ZNF385D: variants seen among roughly 807,000 people sequenced by gnomAD.
The protein encoded by ZNF385D is zinc finger protein 659.
A neutral mutation model predicts 35.8 loss-of-function variants in ZNF385D; 15 were observed. The observed-to-expected ratio is 0.42, with a 90% confidence interval of 0.28 to 0.64. The LOEUF is 0.64. Ranked by LOEUF, ZNF385D falls within the 30% of genes least tolerant of loss-of-function variation. The pLI is 0.23. For synonymous variants in ZNF385D, 212 were observed against 186.8 expected (o/e 1.13, Z -1.10); for missense variants, 474 against 494.6 (o/e 0.96, Z 0.39).
chr3:21,550,049 C>T (rs2062513436), intron 3 of ZNF385D, among the ~76,000 whole-genome samples: 1 of 152,042 alleles, frequency 6.6e-6, no homozygotes, highest in Admixed American at 6.6e-5. Flanking sequence ...CCACGAGGGA[C>T]CATCAAAATG....
intron 3 of ZNF385D, among the ~76,000 whole-genome samples, chr3:21,970,068 A>G (rs962008391): frequency 2.0e-5 from 3 of 152,192 alleles, no homozygotes; most frequent in Non-Finnish European, 4.4e-5. Context: ...ACCCAAGACC[A>G]TCTGAATACT....
chr3:22,256,871 A>G lies in ZNF385D; in HGVS notation c.107-87836T>C, dbSNP rs2125337162. ...TCTCAGTGGAGAAGGATTTAACACAAGTAAATGTATGATGTCACATTTTGT... is the reference window on the plus strand; with the variant it reads ...TCTCAGTGGAGAAGGATTTAACACAGGTAAATGTATGATGTCACATTTTGT... On this transcript the variant is annotated intron_variant, in intron 2 of 5. Transcript: ENST00000494108. Among the ~76,000 whole-genome samples, 4 of 152,038 alleles carry G rather than the reference A, an allele frequency of 2.6e-5. 1 individual carries two copies. In the South Asian group the frequency reaches 8.3e-4, roughly 31 times the overall value.
At chr3:21,752,088 C>T (rs1405963698), upstream of ZNF385D, among the ~76,000 whole-genome samples, 2 of 134,638 alleles carry the variant, frequency 1.5e-5, no homozygotes, top group South Asian at 2.3e-4. Flanking sequence ...CAAAGCTTAG[C>T]AAAGCCTCTG....
chr3:21,527,183 G>A (rs1056425233), intron 3 of ZNF385D, among the ~76,000 whole-genome samples: 2 of 152,120 alleles, frequency 1.3e-5, no homozygotes, highest in Non-Finnish European at 2.9e-5. Flanking sequence ...TAGGTGCTCA[G>A]TATCTATTTG....
intron 3 of ZNF385D, among the ~76,000 whole-genome samples, chr3:22,085,326 T>A (rs189149186): frequency 6.6e-6 from 1 of 152,068 alleles, no homozygotes; most frequent in Non-Finnish European, 1.5e-5. Flanking sequence ...AATAGACCTC[T>A]AACAAGACTA....
chr3:21,508,793 T>C (rs146406483), intron 4 of ZNF385D, among the ~76,000 whole-genome samples: 1 of 152,314 alleles, frequency 6.6e-6, no homozygotes, highest in African/African-American at 2.4e-5. Flanking sequence ...CTTCCATTCT[T>C]TGGAATCTGT....
At chr3:21,908,228 GGAAT>G (rs1314732807) in intron 3 of ZNF385D, among the ~76,000 whole-genome samples, 6 of 151,584 alleles carry the variant, frequency 4.0e-5, no homozygotes, top group African/African-American at 1.5e-4. Flanking sequence ...CAAGATCCAA[GGAAT>G]GAGTAGAAAA....
rs1700578646 is a variant in ZNF385D at position 21,417,484 on chromosome 3, G to C, written c.*3730C>G. The C allele has an allele frequency of 6.6e-6, 1 of 152,006 alleles. No homozygotes were observed. Among genetic ancestry groups the C allele is most frequent in the African/African-American group, 2.4e-5 (1 of 41,416 alleles). The allele number at this position is 152,006 out of a possible 1,614,324, so 9.4% of individuals were successfully genotyped here. ...AAAGGTAATTTTCTACTTCAATTCA[G>C]ATCTAAAGAAACAGGCCTATATACC... On this transcript the variant is annotated 3_prime_UTR_variant, in exon 8 of 8. Transcript: ENST00000281523.
chr3:21,812,446 C>G (rs2072963104), intron 3 of ZNF385D, among the ~76,000 whole-genome samples: 2 of 152,366 alleles, frequency 1.3e-5, no homozygotes, highest in South Asian at 4.1e-4. Context: ...CCTTTCCCAG[C>G]CAAGGGAAGC....
chr3:22,000,773 A>AG (rs1559836873), intron 3 of ZNF385D, among the ~76,000 whole-genome samples: 1 of 151,428 alleles, frequency 6.6e-6, no homozygotes, highest in African/African-American at 2.4e-5. Flanking sequence ...GGAAAAAAAA[A>AG]CCCGTTAATG....
In ZNF385D at chr3:22,370,715, C is replaced by T. The variant is rs138708891; in HGVS notation, c.106+1735G>A. Among the ~76,000 whole-genome samples, 589 of 152,286 alleles carry T rather than the reference C, an allele frequency of 3.9e-3. 2 individuals are homozygous for T. Among genetic ancestry groups the T allele is most frequent in the African/African-American group, 0.014 (568 of 41,540 alleles). On this transcript the variant is annotated intron_variant, in intron 2 of 5. Coordinates refer to the ZNF385D transcript ENST00000494108. Reference sequence around the variant, plus strand: ...ATTTAACATCTCTAAATCTCCTTTTCCTTGTCTACGGAATGGAGATGGTAA... The same window carrying T: ...ATTTAACATCTCTAAATCTCCTTTTTCTTGTCTACGGAATGGAGATGGTAA...
chr3:22,250,316 A>G (rs1040385439), intron 2 of ZNF385D, among the ~76,000 whole-genome samples: 8 of 152,134 alleles, frequency 5.3e-5, no homozygotes, highest in Non-Finnish European at 1.2e-4. Flanking sequence ...TTTGATGGGA[A>G]TAATAAGACA....
At chr3:21,570,177 T>G (rs1029896305) in intron 2 of ZNF385D, among the ~76,000 whole-genome samples, 28 of 152,158 alleles carry the variant, frequency 1.8e-4, no homozygotes, top group African/African-American at 6.0e-4. Context: ...ACCCAAACTC[T>G]AGGCTAAAAT....
At chr3:22,116,706 G>C (rs1702829758) in intron 3 of ZNF385D, among the ~76,000 whole-genome samples, 3 of 151,994 alleles carry the variant, frequency 2.0e-5, no homozygotes, top group Non-Finnish European at 4.4e-5. Flanking sequence ...AAATTTGTCA[G>C]TCTAACCTTA....
chr3:22,308,488 C>T lies in ZNF385D; in HGVS notation c.106+63962G>A, dbSNP rs546864382. ...GAGAAAGACAGAGAGAAGGACATTC[C>T]CTTGAATTCCATTAAGTGATTCCCA... On this transcript the variant is annotated intron_variant, in intron 2 of 5. Coordinates refer to the ZNF385D transcript ENST00000494108. Among the ~76,000 whole-genome samples, 10 of 151,786 alleles carry T rather than the reference C, an allele frequency of 6.6e-5. 1 individual carries two copies. In the South Asian group the frequency reaches 2.1e-3, roughly 32 times the overall value.
At chr3:21,827,408 G>A (rs1282379802) in intron 3 of ZNF385D, among the ~76,000 whole-genome samples, 1 of 152,058 alleles carries the variant, frequency 6.6e-6, no homozygotes, top group Non-Finnish European at 1.5e-5. Flanking sequence ...CCTTTTACAT[G>A]TTTCTTAGCA....
chr3:22,100,989 T>A (rs1159002807), intron 3 of ZNF385D, among the ~76,000 whole-genome samples: 1 of 151,990 alleles, frequency 6.6e-6, no homozygotes, highest in Admixed American at 6.6e-5. Flanking sequence ...GGACCCACAG[T>A]GCAATACATG....
chr3:22,273,828 A>G (rs1251712828), intron 2 of ZNF385D, among the ~76,000 whole-genome samples: 1 of 151,950 alleles, frequency 6.6e-6, no homozygotes, highest in Non-Finnish European at 1.5e-5. Context: ...GTTACATACA[A>G]TTTGCACAAT....
intron 2 of ZNF385D, among the ~76,000 whole-genome samples, chr3:22,360,202 C>T (rs778892094): frequency 1.3e-5 from 2 of 151,930 alleles, no homozygotes; most frequent in Non-Finnish European, 2.9e-5. Flanking sequence ...CTAAATAAAC[C>T]ATAGCTAGTA....
Sources: allele counts gnomAD v4.1 joint callset (sites outside exome capture counted in the v4.1 genomes callset), GRCh38; gene constraint gnomAD v4.1.1; transcripts MANE v1.5; gene names NCBI Gene and HGNC (gene_info 2026-07-23, HGNC 2026-07-21).